TMPRSS7: variants seen among roughly 807,000 people sequenced by gnomAD.
The protein encoded by TMPRSS7 is transmembrane protease serine 7.
In TMPRSS7, 81 loss-of-function variants were observed where a neutral mutation model predicts 95.6. The ratio of observed to expected loss-of-function variants is 0.85; its 90% CI spans 0.71 to 1.02. TMPRSS7 has a LOEUF of 1.02. Ranked by LOEUF, TMPRSS7 falls within the 50% of genes least tolerant of loss-of-function variation. TMPRSS7 has a pLI of 0.00. For missense variants in TMPRSS7, 945 were observed against 955.2 expected (o/e 0.99, Z 0.14); for synonymous variants, 364 against 337.8 (o/e 1.08, Z -0.85).
At position 112,037,529 on chromosome 3, in the gene TMPRSS7, C is replaced by G. The variant is rs140668040; in HGVS notation, c.49-543C>G. ...CTTCATTAGCAATGCTAGTTTCACC[C>G]TGACCTTGTGATCTTGCTCTGACCT... On this transcript the variant is annotated intron_variant, in intron 1 of 17. Transcript: ENST00000452346. Among the ~76,000 whole-genome samples the G allele has an allele frequency of 4.9e-3, 748 of 152,300 alleles. 5 individuals carry two copies. The highest frequency in any genetic ancestry group is 0.017 in the African/African-American group (713 of 41,576).
At chr3:112,063,251 C>G (rs1364405354) in intron 11 of TMPRSS7, among the ~76,000 whole-genome samples, 1 of 152,174 alleles carries the variant, frequency 6.6e-6, no homozygotes, top group African/African-American at 2.4e-5. Context: ...TGAGACTAGA[C>G]TATGGAGATA....
At chr3:112,066,553 A>T (rs2073578824) in intron 13 of TMPRSS7, 51 bp downstream of exon 13, 1 of 1,540,568 alleles carries the variant, frequency 6.5e-7, no homozygotes, top group East Asian at 2.3e-5. Flanking sequence ...AACTCTTCTA[A>T]ATCAGGACAA....
chr3:112,062,180 T>C (rs919462887), intron 11 of TMPRSS7, among the ~76,000 whole-genome samples: 2 of 152,172 alleles, frequency 1.3e-5, no homozygotes, highest in African/African-American at 4.8e-5. Context: ...TGATTTATAG[T>C]TGAAAAATAA....
intron 1 of TMPRSS7, 65 bp from the exon 2 acceptor site, chr3:112,038,007 G>C (rs1303239021): frequency 2.9e-6 from 2 of 681,382 alleles, no homozygotes; most frequent in Non-Finnish European, 5.3e-6. Context: ...CTCCTGACTG[G>C]GTAGTTTCAT....
chr3:112,041,750 G>A (rs2107736695), intron 2 of TMPRSS7, among the ~76,000 whole-genome samples, 170 bp from the exon 3 acceptor site: 1 of 152,288 alleles, frequency 6.6e-6, no homozygotes. Context: ...TGCTGCTGAT[G>A]AAATAGATGT....
At chr3:112,047,322 C>A in intron 6 of TMPRSS7, 1 of 606,338 alleles carries the variant, frequency 1.6e-6, no homozygotes, top group Non-Finnish European at 3.1e-6. Context: ...GTAACAAGGA[C>A]CACCAAGCAG....
Position 112,073,892 on chromosome 3 carries a change from T to A in TMPRSS7, c.1667-404T>A, listed in dbSNP as rs551961226. 2.0e-5 allele frequency among the ~76,000 whole-genome samples: 3 copies of A among 152,344 alleles called. No homozygotes were observed. The East Asian group carries it at 5.8e-4, about 29-fold the overall frequency. On this transcript the variant is annotated intron_variant, in intron 13 of 17. Coordinates refer to ENST00000452346, the Ensembl canonical transcript of TMPRSS7. ...GAACAAATGTGTTGTAATTCACAAG[T>A]CTGTCCATTTTGCCTCCTACTGATA...
chr3:112,056,532 C>T (rs1180375567), intron 9 of TMPRSS7, among the ~76,000 whole-genome samples: 5 of 152,106 alleles, frequency 3.3e-5, no homozygotes, highest in African/African-American at 7.2e-5. Flanking sequence ...TGCTCATATA[C>T]GTAGACAGCT....
exon 2 of TMPRSS7, chr3:112,038,265 C>A (rs2073169691): frequency 1.4e-6 from 1 of 702,784 alleles, no homozygotes; most frequent in Admixed American, 2.0e-5. Flanking sequence ...ATTCTCTTCA[C>A]AGTATTTTTA....
At chr3:112,046,822 A>G in intron 5 of TMPRSS7, 152 bp from the exon 6 acceptor site, 1 of 617,106 alleles carries the variant, frequency 1.6e-6, no homozygotes, top group Non-Finnish European at 2.9e-6. Context: ...ATACCTGAAC[A>G]ACTACCTCAT....
At chr3:112,035,166 T>G (rs2073142211) in intron 1 of TMPRSS7, among the ~76,000 whole-genome samples, 1 of 152,250 alleles carries the variant, frequency 6.6e-6, no homozygotes, top group Non-Finnish European at 1.5e-5. Context: ...TAACTGAGAC[T>G]GCCTATAATG....
In TMPRSS7 at chr3:112,046,872, G is replaced by C. The variant is rs2073285558; in HGVS notation, c.692-102G>C. ...TTTAAAGTAAATCCCAGATGTGTTT[G>C]ATTGCCTTTAAAGAAGGACTGAAAA... On this transcript the variant is annotated intron_variant, in intron 5 of 17. Transcript: ENST00000452346. 2.5e-5 allele frequency: 17 copies of C among 683,766 alleles called. 1 individual carries two copies. In the South Asian group the frequency reaches 2.5e-4, roughly 10 times the overall value. The allele number at this position is 683,766 out of a possible 1,614,324, so 42.4% of individuals were successfully genotyped here.
intron 13 of TMPRSS7, among the ~76,000 whole-genome samples, chr3:112,069,418 G>T (rs959098706): frequency 6.6e-6 from 1 of 152,062 alleles, no homozygotes; most frequent in African/African-American, 2.4e-5. Flanking sequence ...TCCTCTTTGT[G>T]CCTCTGATAG....
Position 112,061,729 on chromosome 3 carries a change from G to A in TMPRSS7, c.1311-58G>A, listed in dbSNP as rs73853300. ...AAGTATTAGAGAATTCACCATGAAT[G>A]GGAATTCAGTCGACAGAACCTCAAG... On this transcript the variant is annotated intron_variant, in intron 10 of 17. Coordinates refer to ENST00000452346, the Ensembl canonical transcript of TMPRSS7. The A allele has an allele frequency of 0.01, 15,940 of 1,532,948 alleles. 834 individuals are homozygous for A. In the African/African-American group the frequency reaches 0.14, roughly 13 times the overall value. The allele number at this position is 1,532,948 out of a possible 1,614,324, so 95.0% of individuals were successfully genotyped here.
At position 112,063,593 on chromosome 3, in the gene TMPRSS7, G is replaced by GT; in HGVS notation, c.1517dup (p.Asn507LysfsTer2). The GT allele has an allele frequency of 1.2e-6, 2 of 1,614,096 alleles. No individual in the cohort carries two copies. Among genetic ancestry groups the GT allele is most frequent in the Non-Finnish European group, 1.7e-6 (2 of 1,179,978 alleles). ...CCCTCAGGCCCAGCGTTGTGATGGAGTAAATGACTGCTTTGATGAAAGTGA... is the reference window on the plus strand; with the variant it reads ...CCCTCAGGCCCAGCGTTGTGATGGAGTTAAATGACTGCTTTGATGAAAGTGA... On this transcript the variant is annotated frameshift_variant, in exon 12 of 18. Transcript: ENST00000452346. LOFTEE classifies it high-confidence loss of function.
At chr3:112,076,755 A>C (rs1038741448) in intron 15 of TMPRSS7, 121 bp from the exon 16 acceptor site, 32 of 1,199,636 alleles carry the variant, frequency 2.7e-5, no homozygotes, top group Non-Finnish European at 3.4e-5. Flanking sequence ...GCCAGTGACT[A>C]TAATAACACC....
intron 11 of TMPRSS7, 88 bp downstream of exon 11, chr3:112,062,011 T>C: frequency 2.0e-6 from 2 of 1,000,708 alleles, no homozygotes; most frequent in Admixed American, 2.9e-5. Context: ...ATTTAAGAAA[T>C]GAATACTGCT....
intron 9 of TMPRSS7, 92 bp from the exon 10 acceptor site, chr3:112,056,933 G>A: frequency 1.2e-6 from 1 of 849,240 alleles, no homozygotes; most frequent in South Asian, 1.7e-5. Flanking sequence ...CAGGGCGCAA[G>A]TAGAATGGCC....
chr3:112,064,278 G>A (rs340145), intron 12 of TMPRSS7, among the ~76,000 whole-genome samples: 96,875 of 151,986 alleles, frequency 0.64, 30,889 homozygotes, highest in Middle Eastern at 0.68. Context: ...CTCTTTCAGC[G>A]TGCTCCTTTA....
Sources: gnomAD v4.1 joint callset for allele counts (sites outside exome capture counted in the v4.1 genomes callset) on GRCh38, gnomAD v4.1.1 for gene constraint, MANE v1.5 for transcripts, NCBI Gene and HGNC (gene_info 2026-07-23, HGNC 2026-07-21) for gene names.